Variants in BRINP2 observed in about 807,000 individuals in gnomAD.
The protein encoded by BRINP2 is BMP/retinoic acid inducible neural specific 2.
BRINP2 carries 21 observed loss-of-function variants against 69.2 expected under a neutral mutation model. The observed-to-expected ratio is 0.30, with a 90% CI of 0.22 to 0.44. BRINP2 has a LOEUF of 0.44. Ranked by LOEUF, BRINP2 falls within the 20% of genes least tolerant of loss-of-function variation. BRINP2 has a pLI of 1.00. For missense variants in BRINP2, 877 were observed against 986.0 expected, an observed-to-expected ratio of 0.89 and a Z score of 1.48; for synonymous variants, 380 against 394.1, an observed-to-expected ratio of 0.96 and a Z score of 0.42.
chr1:177,197,051 G>A (rs747628288), intron 1 of BRINP2, among the ~76,000 whole-genome samples: 9 of 152,048 alleles, frequency 5.9e-5, no homozygotes, highest in South Asian at 2.1e-4. Flanking sequence ...GTTGGGCCCC[G>A]TATTAGTCCA....
chr1:177,219,747 G>A (rs1454990297), intron 1 of BRINP2, among the ~76,000 whole-genome samples: 2 of 152,214 alleles, frequency 1.3e-5, no homozygotes. Flanking sequence ...AGGGCTGCAG[G>A]TCATAATGGA....
chr1:177,223,370 G>A (rs1048370411), intron 1 of BRINP2, among the ~76,000 whole-genome samples: 2 of 152,160 alleles, frequency 1.3e-5, no homozygotes, highest in African/African-American at 2.4e-5. Flanking sequence ...TACCTTTTAA[G>A]CTCATTACAG....
Position 177,235,756 on chromosome 1 carries a change from A to G in BRINP2, c.269+5611A>G, listed in dbSNP as rs552840309. Among the ~76,000 whole-genome samples the G allele has an allele frequency of 1.1e-4, 16 of 152,348 alleles. No homozygotes were observed. The South Asian group carries it at 3.3e-3, about 32-fold the overall frequency. The stretch of plus-strand genomic sequence containing the variant: ...ACTTCAGTCTGCCTGGGTAAATCCC[A>G]GTGATTTCCAAGGTGTGCATTACAG... On this transcript the variant is annotated intron_variant, in intron 2 of 7. Transcript: ENST00000361539.
chr1:177,192,375 G>A (rs1558153871), intron 1 of BRINP2, among the ~76,000 whole-genome samples: 1 of 152,342 alleles, frequency 6.6e-6, no homozygotes, highest in East Asian at 1.9e-4. Flanking sequence ...CACTTCTGCT[G>A]TAGGTGAATG....
At chr1:177,215,926 G>T (rs557432757) in intron 1 of BRINP2, among the ~76,000 whole-genome samples, 11 of 151,794 alleles carry the variant, frequency 7.2e-5, no homozygotes, top group East Asian at 5.8e-4. Flanking sequence ...AGTTTATTTT[G>T]TCTAAGTATC....
intron 1 of BRINP2, among the ~76,000 whole-genome samples, chr1:177,183,558 G>A (rs765741331): frequency 6.6e-6 from 1 of 152,180 alleles, no homozygotes; most frequent in Admixed American, 6.5e-5. Flanking sequence ...AATGGAGTCA[G>A]ATATTTGATC....
At chr1:177,220,541 G>A (rs1649495901) in intron 1 of BRINP2, among the ~76,000 whole-genome samples, 2 of 152,166 alleles carry the variant, frequency 1.3e-5, no homozygotes, top group African/African-American at 4.8e-5. Context: ...CTCTCTAGAA[G>A]TAGAGCAGAT....
chr1:177,178,748 T>C (rs1218029209), intron 1 of BRINP2, among the ~76,000 whole-genome samples: 1 of 152,138 alleles, frequency 6.6e-6, no homozygotes, highest in African/African-American at 2.4e-5. Flanking sequence ...AAATACTTAT[T>C]GAGTATATTA....
chr1:177,245,467 G>A (rs530820002), intron 2 of BRINP2, among the ~76,000 whole-genome samples: 2 of 152,220 alleles, frequency 1.3e-5, no homozygotes, highest in Non-Finnish European at 2.9e-5. Flanking sequence ...GGAATTACCA[G>A]TCTGTGGGAA....
chr1:177,235,254 G>A (rs1047702925), intron 2 of BRINP2, among the ~76,000 whole-genome samples: 2 of 152,178 alleles, frequency 1.3e-5, no homozygotes, highest in African/African-American at 4.8e-5. Flanking sequence ...TACTGCACTT[G>A]TCTATACTAA....
chr1:177,244,653 C>A (rs111830129), intron 2 of BRINP2, among the ~76,000 whole-genome samples: 163 of 152,136 alleles, frequency 1.1e-3, no homozygotes, highest in African/African-American at 3.7e-3. Flanking sequence ...AAAATAAAAA[C>A]GAAATTTATT....
intron 2 of BRINP2, among the ~76,000 whole-genome samples, chr1:177,238,260 C>T (rs1014052495): frequency 3.3e-5 from 5 of 152,248 alleles, no homozygotes; most frequent in Non-Finnish European, 7.3e-5. Context: ...CAGTTACCAT[C>T]TTCCCCTCTG....
At chr1:177,259,444 G>C (rs1650873577) in intron 4 of BRINP2, among the ~76,000 whole-genome samples, 2 of 152,186 alleles carry the variant, frequency 1.3e-5, no homozygotes, top group South Asian at 2.1e-4. Flanking sequence ...AGGTTATCCA[G>C]ATCTAGCGAA....
intron 2 of BRINP2, among the ~76,000 whole-genome samples, chr1:177,245,556 C>A (rs1462143549): frequency 6.6e-6 from 1 of 152,144 alleles, no homozygotes; most frequent in African/African-American, 2.4e-5. Flanking sequence ...ACTTGCTGAG[C>A]AAAGACAAGC....
intron 4 of BRINP2, among the ~76,000 whole-genome samples, chr1:177,270,425 C>A (rs949799701): frequency 6.6e-6 from 1 of 151,936 alleles, no homozygotes; most frequent in African/African-American, 2.4e-5. Flanking sequence ...GTGGGACTGA[C>A]CTTTAGAACA....
At chr1:177,276,519 T>C in intron 6 of BRINP2, 85 bp downstream of exon 6, 1 of 1,266,344 alleles carries the variant, frequency 7.9e-7, no homozygotes. Context: ...ACTTGAGAGT[T>C]GAGGATCCTC....
chr1:177,247,636 C>T (rs1026188358), intron 2 of BRINP2, among the ~76,000 whole-genome samples: 3 of 152,168 alleles, frequency 2.0e-5, no homozygotes, highest in Non-Finnish European at 4.4e-5. Flanking sequence ...GGAGGGGGTG[C>T]CCCCAAAAGA....
chr1:177,213,354 A>G (rs1649282753), intron 1 of BRINP2, among the ~76,000 whole-genome samples: 1 of 152,108 alleles, frequency 6.6e-6, no homozygotes, highest in Non-Finnish European at 1.5e-5. Flanking sequence ...CCCAGCCCTC[A>G]TTTATTGCAA....
chr1:177,260,652 A>C (rs1210079051), intron 4 of BRINP2, among the ~76,000 whole-genome samples: 1 of 152,180 alleles, frequency 6.6e-6, no homozygotes, highest in Non-Finnish European at 1.5e-5. Context: ...CATCAACATC[A>C]AGGCAGGACA....
Sources: allele counts gnomAD v4.1 joint callset (sites outside exome capture counted in the v4.1 genomes callset), GRCh38; gene constraint gnomAD v4.1.1; transcripts MANE v1.5; gene names NCBI Gene and HGNC (gene_info 2026-07-23, HGNC 2026-07-21).